Variants in DOCK10 observed in about 807,000 individuals in gnomAD.
DOCK10 encodes dedicator of cytokinesis 10.
DOCK10 carries 145 observed loss-of-function variants against 280.1 expected under a neutral mutation model. The observed-to-expected ratio is 0.52, with a 90% confidence interval of 0.45 to 0.59. The LOEUF is 0.59. Among genes scored for constraint, DOCK10 ranks in the 20% least tolerant of loss-of-function variants. The pLI, the probability that DOCK10 is intolerant of heterozygous loss-of-function variation, is 0.00. For missense variants in DOCK10, 2,368 were observed against 2,651.7 expected, an observed-to-expected ratio of 0.89 and a Z score of 2.35; for synonymous variants, 915 against 942.2, an observed-to-expected ratio of 0.97 and a Z score of 0.53.
intron 2 of DOCK10, among the ~76,000 whole-genome samples, chr2:224,923,166 G>T (rs1438948197): frequency 6.6e-6 from 1 of 152,062 alleles, no homozygotes; most frequent in Non-Finnish European, 1.5e-5. Flanking sequence ...GTTTTGCTGG[G>T]GTTGAACTGT....
At chr2:224,892,397 C>CAAAAAAAAAAAAAAAAAAAA (rs1174651393) in intron 4 of DOCK10, among the ~76,000 whole-genome samples, 1 of 52,250 alleles carries the variant, frequency 1.9e-5, no homozygotes, top group Non-Finnish European at 3.3e-5. Context: ...GACCCTGTCT[C>CAAAAAAAAAAAAAAAAAAAA]AAAAAAAAAA....
intron 3 of DOCK10, among the ~76,000 whole-genome samples, chr2:224,913,751 A>G (rs1451295503): frequency 6.6e-5 from 10 of 151,244 alleles, no homozygotes; most frequent in Non-Finnish European, 5.9e-5. Context: ...TATTTGAGAC[A>G]GAGTCTCCCT....
rs869275800 is a variant in DOCK10 at position 224,824,429 on chromosome 2, C to CTTTTTTTT, written c.3037-790_3037-783dup. Reference sequence around the variant, plus strand: ...CCGAGTTCTTCCATCTCAGACTCTGCTTTTTTTTTTTTTTTTTTTTTTTTG... The same window carrying CTTTTTTTT: ...CCGAGTTCTTCCATCTCAGACTCTGCTTTTTTTTTTTTTTTTTTTTTTTTTTTTTTTTG... On this transcript the variant is annotated intron_variant, in intron 27 of 55. Coordinates refer to ENST00000258390, the MANE Select transcript of DOCK10 (RefSeq NM_014689.3). 6.3e-4 allele frequency among the ~76,000 whole-genome samples: 40 copies of CTTTTTTTT among 63,580 alleles called. 1 individual carries two copies. Among genetic ancestry groups the CTTTTTTTT allele is most frequent in the African/African-American group, 1.5e-3 (20 of 13,758 alleles). 41.7% of individuals were successfully genotyped at this position (63,580 alleles called of 152,430 possible). A position where few individuals can be genotyped will look rare whatever the true frequency, so the allele number is the denominator to read the frequency against.
chr2:224,853,792 C>T (rs1028243055), intron 16 of DOCK10, among the ~76,000 whole-genome samples: 6 of 152,210 alleles, frequency 3.9e-5, no homozygotes, highest in African/African-American at 1.4e-4. Context: ...AAGACCAAGG[C>T]CTTCTACCTC....
intron 1 of DOCK10, among the ~76,000 whole-genome samples, chr2:224,967,532 T>G (rs1704843250): frequency 6.6e-6 from 1 of 152,232 alleles, no homozygotes. Context: ...TTTCTGAAGT[T>G]GCCACTTTAC....
chr2:224,807,625 A>C, intron 33 of DOCK10, 43 bp downstream of exon 33: 2 of 1,332,932 alleles, frequency 1.5e-6, no homozygotes, highest in Non-Finnish European at 1.0e-6. Context: ...AAAAAGACAA[A>C]TTCTTTATTA....
intron 19 of DOCK10, among the ~76,000 whole-genome samples, chr2:224,848,380 C>T (rs1696503576): frequency 1.3e-5 from 2 of 152,166 alleles, no homozygotes; most frequent in South Asian, 2.1e-4. Context: ...TAAATTTTTT[C>T]ACTGAAACTT....
intron 1 of DOCK10, among the ~76,000 whole-genome samples, chr2:224,941,544 G>C (rs886199890): frequency 9.2e-5 from 14 of 152,198 alleles, no homozygotes; most frequent in Admixed American, 3.9e-4. Flanking sequence ...AGAGGACCAG[G>C]CCGGGCCTGG....
chr2:224,854,933 T>G (rs752529927), intron 16 of DOCK10, 30 bp downstream of exon 16: 11 of 1,556,140 alleles, frequency 7.1e-6, no homozygotes, highest in Non-Finnish European at 8.8e-6. Context: ...TTCAAAACTC[T>G]GCAACCAAAC....
At chr2:224,857,708 T>G (rs1240240837) in intron 14 of DOCK10, among the ~76,000 whole-genome samples, 1 of 152,138 alleles carries the variant, frequency 6.6e-6, no homozygotes, top group East Asian at 1.9e-4. Context: ...CAGTTTTACA[T>G]GAAATTCCTC....
At chr2:224,924,791 A>G (rs1316877099) in intron 2 of DOCK10, among the ~76,000 whole-genome samples, 1 of 152,230 alleles carries the variant, frequency 6.6e-6, no homozygotes, top group Admixed American at 6.5e-5. Context: ...CTTATTTTCT[A>G]ATGGCATCAC....
chr2:224,913,716 CTGTT>C (rs746408871), intron 3 of DOCK10, among the ~76,000 whole-genome samples: 4 of 138,510 alleles, frequency 2.9e-5, no homozygotes, highest in East Asian at 2.0e-4. Context: ...GTTTGTTTGT[CTGTT>C]TATTTATTTA....
intron 4 of DOCK10, among the ~76,000 whole-genome samples, chr2:224,889,855 C>T (rs1242865035): frequency 5.3e-5 from 8 of 152,182 alleles, no homozygotes; most frequent in African/African-American, 1.9e-4. Context: ...CTTCCCTCTC[C>T]CCCACTCCTG....
In DOCK10 at chr2:225,005,250, C is replaced by T. The variant is rs546137451; in HGVS notation, c.123+37002G>A. 2.0e-5 allele frequency among the ~76,000 whole-genome samples: 3 copies of T among 152,300 alleles called. No homozygotes were observed. The East Asian group carries it at 5.8e-4, about 29-fold the overall frequency. ...AAGTACAGCAGATTACCACTGTTAT[C>T]CCATATACATGGATAATGGCAAACA... is the stretch of plus-strand genomic sequence containing the variant. On this transcript the variant is annotated intron_variant, in intron 1 of 55. Coordinates refer to ENST00000258390, the MANE Select transcript of DOCK10 (RefSeq NM_014689.3).
At chr2:224,939,406 T>C (rs1392804971) in intron 1 of DOCK10, among the ~76,000 whole-genome samples, 1 of 152,222 alleles carries the variant, frequency 6.6e-6, no homozygotes, top group Non-Finnish European at 1.5e-5. Flanking sequence ...ATATCTCTTA[T>C]GAGCATGTTA....
intron 1 of DOCK10, among the ~76,000 whole-genome samples, chr2:225,012,858 A>G (rs1472390083): frequency 6.6e-6 from 1 of 152,220 alleles, no homozygotes; most frequent in African/African-American, 2.4e-5. Context: ...TAGTTGTTTA[A>G]TGCCACAGAG....
At chr2:225,015,224 C>A (rs961350597) in intron 1 of DOCK10, among the ~76,000 whole-genome samples, 3 of 152,068 alleles carry the variant, frequency 2.0e-5, no homozygotes, top group Non-Finnish European at 4.4e-5. Context: ...ATAAAAAACA[C>A]TTTTCCTTGT....
rs750623207 is a variant in DOCK10, at chr2:224,886,064, C to T, written c.611G>A (p.Arg204Gln). The T allele has an allele frequency of 1.7e-5, 27 of 1,613,656 alleles. No individual in the cohort carries two copies. The highest frequency in any genetic ancestry group is 1.0e-4 in the Admixed American group (6 of 59,976). ...NSTVNNTVTV[R>Q]SFKKRYFQLT... ...AGATGAGTCTTGATATCTCCTTACC[C>T]GAACAGTAACGGTGTTGTTCACGGT... Residue 204 changes from arginine (R) to glutamine (Q), a missense_variant and splice_region_variant, in exon 6 of 56, where the codon CGG (arginine) becomes CAG (glutamine). Physicochemically the swap from Arg to Gln is conservative, Grantham distance 43. This residue lies in a region of DOCK10 where 1,209 missense variants were observed against 1,250.9 expected (regional missense o/e 0.97). Coordinates refer to ENST00000258390, the MANE Select transcript of DOCK10 (RefSeq NM_014689.3).
intron 43 of DOCK10, 58 bp downstream of exon 43, chr2:224,796,906 C>T: frequency 1.3e-6 from 2 of 1,524,876 alleles, no homozygotes; most frequent in Admixed American, 1.8e-5. Context: ...GCTTTAAGCA[C>T]TGCTGAAACA....
Sources: gnomAD v4.1 joint callset for allele counts (sites outside exome capture counted in the v4.1 genomes callset) on GRCh38, gnomAD v4.1.1 for gene constraint, gnomAD v4.1.1 regional missense constraint, MANE v1.5 for transcripts, NCBI Gene and HGNC (gene_info 2026-07-23, HGNC 2026-07-21) for gene names.